CLPSL1: variants seen among roughly 807,000 people sequenced by gnomAD.
CLPSL1 encodes colipase-like protein 1.
In CLPSL1, 13 loss-of-function variants were observed where a neutral mutation model predicts 9.3. The ratio of observed to expected loss-of-function variants is 1.40; its 90% CI spans 0.91 to 2.22. CLPSL1 has a LOEUF of 2.22. Among genes scored for constraint, CLPSL1 ranks in the 30% most tolerant of loss-of-function variants. CLPSL1 has a pLI of 0.00. For synonymous variants in CLPSL1, 58 were observed against 56.9 expected (o/e 1.02, Z -0.08); for missense variants, 164 against 146.6 (o/e 1.12, Z -0.61).
chr6:35,788,518 T>G (rs1768133686), downstream of CLPSL1, among the ~76,000 whole-genome samples: 1 of 152,292 alleles, frequency 6.6e-6, no homozygotes, highest in Admixed American at 6.5e-5. Flanking sequence ...CCGCTCTAGC[T>G]GCCTTATGCA....
chr6:35,782,219 G>A (rs1561939138), intron 1 of CLPSL1, among the ~76,000 whole-genome samples: 2 of 152,124 alleles, frequency 1.3e-5, no homozygotes, highest in African/African-American at 4.8e-5. Flanking sequence ...GTCTGGGGGC[G>A]GAAATGTGCT....
At chr6:35,782,993 A>C (rs1217638804) in intron 1 of CLPSL1, among the ~76,000 whole-genome samples, 1 of 152,196 alleles carries the variant, frequency 6.6e-6, no homozygotes, top group African/African-American at 2.4e-5. Context: ...ATCACACCTT[A>C]CTAGGTGCTC....
At chr6:35,793,384 C>T in intron 1 of CLPSL1, 2 of 453,758 alleles carry the variant, frequency 4.4e-6, no homozygotes, top group Middle Eastern at 3.5e-4. Context: ...GAGATCGTGC[C>T]ACTGCACTCT....
chr6:35,784,532 G>T (rs971070168), intron 1 of CLPSL1, among the ~76,000 whole-genome samples: 19 of 152,114 alleles, frequency 1.2e-4, no homozygotes, highest in African/African-American at 3.9e-4. Flanking sequence ...GTGGTGGGAG[G>T]CTTCAAATTT....
chr6:35,790,458 G>A (rs1009315151), downstream of CLPSL1, among the ~76,000 whole-genome samples: 1 of 152,254 alleles, frequency 6.6e-6, no homozygotes, highest in Non-Finnish European at 1.5e-5. Flanking sequence ...GTACTTGAAG[G>A]CCTGAGAATT....
downstream of CLPSL1, among the ~76,000 whole-genome samples, chr6:35,791,495 C>T (rs59313399): frequency 3.9e-3 from 596 of 151,786 alleles, no homozygotes; most frequent in African/African-American, 0.013. Flanking sequence ...GTAATCCCAG[C>T]TACTCGGGAG....
At chr6:35,781,769 A>C (rs1767972316) in intron 1 of CLPSL1, among the ~76,000 whole-genome samples, 1 of 146,642 alleles carries the variant, frequency 6.8e-6, no homozygotes, top group Non-Finnish European at 1.5e-5. Flanking sequence ...TTTTTGGGAC[A>C]GAGTCTTGCT....
At chr6:35,788,214 G>A (rs533585618), downstream of CLPSL1, 1 of 580,598 alleles carries the variant, frequency 1.7e-6, no homozygotes, top group Non-Finnish European at 3.1e-6. Context: ...ACAGGTTTCT[G>A]GGGGGTGGGG....
downstream of CLPSL1, among the ~76,000 whole-genome samples, chr6:35,792,401 A>C (rs1581958135): frequency 6.6e-6 from 1 of 152,280 alleles, no homozygotes; most frequent in East Asian, 1.9e-4. Context: ...CTATTTTAGA[A>C]TAAAGTGTCG....
At chr6:35,781,755 C>CTT (rs55754209) in intron 1 of CLPSL1, among the ~76,000 whole-genome samples, 44,602 of 132,740 alleles carry the variant, frequency 0.34, 6,966 homozygotes, top group Middle Eastern at 0.4. Context: ...TTTTCTTTTT[C>CTT]TTTTTTTTGG....
downstream of CLPSL1, among the ~76,000 whole-genome samples, chr6:35,791,168 C>T (rs539193925): frequency 1.5e-3 from 236 of 152,380 alleles, 2 homozygotes; most frequent in Non-Finnish European, 2.6e-3. Context: ...GATTCCGCTG[C>T]CCTATGGGAA....
intron 1 of CLPSL1, among the ~76,000 whole-genome samples, chr6:35,793,298 G>A (rs546122100): frequency 1.3e-5 from 2 of 152,328 alleles, no homozygotes; most frequent in Admixed American, 6.5e-5. Flanking sequence ...GGTGGCAGGC[G>A]CCTGTAGTCC....
downstream of CLPSL1, among the ~76,000 whole-genome samples, chr6:35,793,041 G>A (rs111739266): frequency 0.014 from 2,171 of 151,976 alleles, 4 homozygotes; most frequent in African/African-American, 0.048. Flanking sequence ...CTTTCCCAGC[G>A]TCCCTTGCAG....
chr6:35,790,974 G>A (rs980939037), downstream of CLPSL1, among the ~76,000 whole-genome samples: 2 of 152,044 alleles, frequency 1.3e-5, no homozygotes, highest in Non-Finnish European at 2.9e-5. Flanking sequence ...AGCACCAGGA[G>A]GTTGAGGCTG....
chr6:35,793,321 A>C (rs1768257543), intron 1 of CLPSL1, among the ~76,000 whole-genome samples: 1 of 151,336 alleles, frequency 6.6e-6, no homozygotes, highest in Non-Finnish European at 1.5e-5. Context: ...GCTACTTGGG[A>C]GGCTGAAGCA....
At chr6:35,781,471 A>G (rs1261717884) in intron 1 of CLPSL1, among the ~76,000 whole-genome samples, 2 of 152,212 alleles carry the variant, frequency 1.3e-5, no homozygotes, top group Admixed American at 6.5e-5. Context: ...TAAGGGAGAC[A>G]GATATTCACT....
At chr6:35,791,980 G>A (rs1434214414), downstream of CLPSL1, among the ~76,000 whole-genome samples, 1 of 151,628 alleles carries the variant, frequency 6.6e-6, no homozygotes, top group African/African-American at 2.4e-5. Flanking sequence ...CAGCTACTCG[G>A]GAGGCTGATT....
At chr6:35,789,336 T>C (rs1012343591), downstream of CLPSL1, among the ~76,000 whole-genome samples, 1 of 152,220 alleles carries the variant, frequency 6.6e-6, no homozygotes, top group Admixed American at 6.5e-5. Flanking sequence ...AGAAGACACC[T>C]TGGGGAAAGG....
At chr6:35,792,722 T>C (rs1317052225), downstream of CLPSL1, among the ~76,000 whole-genome samples, 3 of 152,266 alleles carry the variant, frequency 2.0e-5, no homozygotes, top group African/African-American at 7.2e-5. Flanking sequence ...ATTTTCCTTA[T>C]GCCCCCCACA....
Sources: allele counts gnomAD v4.1 joint callset (sites outside exome capture counted in the v4.1 genomes callset), GRCh38; gene constraint gnomAD v4.1.1; transcripts MANE v1.5; gene names NCBI Gene and HGNC (gene_info 2026-07-23, HGNC 2026-07-21).